The following CNNM2 variants were observed in gnomAD, a reference collection of about 807,000 sequenced individuals.
CNNM2 encodes the protein metal transporter CNNM2.
Under a neutral mutation model 66.9 loss-of-function variants are expected in CNNM2, and 12 were observed. The ratio of observed to expected loss-of-function variants is 0.18; its 90% CI spans 0.11 to 0.29. The LOEUF is 0.29. CNNM2 is among the 10% of genes least tolerant of loss of function. The pLI, the probability that CNNM2 is intolerant of heterozygous loss-of-function variation, is 1.00. For missense variants in CNNM2, 705 were observed against 1,167.7 expected, an observed-to-expected ratio of 0.60 and a Z score of 5.77; for synonymous variants, 557 against 501.8, an observed-to-expected ratio of 1.11 and a Z score of -1.47.
chr10:102,973,083 G>T (rs1374294871), intron 1 of CNNM2, among the ~76,000 whole-genome samples: 2 of 152,048 alleles, frequency 1.3e-5, no homozygotes, highest in Non-Finnish European at 2.9e-5. Flanking sequence ...TCAACTTGGA[G>T]AAGTTGGATA....
chr10:102,996,378 T>C (rs1274735034), intron 1 of CNNM2, among the ~76,000 whole-genome samples: 1 of 152,214 alleles, frequency 6.6e-6, no homozygotes, highest in Non-Finnish European at 1.5e-5. Context: ...TCATCAAGGC[T>C]GATGAAATTT....
chr10:102,934,363 C>T (rs1012563363), intron 1 of CNNM2, among the ~76,000 whole-genome samples: 1 of 149,662 alleles, frequency 6.7e-6, no homozygotes, highest in African/African-American at 2.5e-5. Flanking sequence ...TCACTGCAAA[C>T]TCTGCCTCCT....
chr10:103,066,162 T>G (rs575137712), intron 4 of CNNM2, among the ~76,000 whole-genome samples: 1 of 152,298 alleles, frequency 6.6e-6, no homozygotes, highest in African/African-American at 2.4e-5. Context: ...TCTGCCATGG[T>G]GCCGTGGTCT....
At position 103,088,843 on chromosome 10, in the gene CNNM2, A is replaced by T. The variant is rs189767336; in HGVS notation, c.*11663A>T. On this transcript the variant is annotated 3_prime_UTR_variant, in exon 8 of 8. Transcript: ENST00000369878. ...ACAAAGAAATCTGGAATTGGGTAGCATGAGCCACAGCTATATAGCCCACAC... is the reference window on the plus strand; with the variant it reads ...ACAAAGAAATCTGGAATTGGGTAGCTTGAGCCACAGCTATATAGCCCACAC... 1.1e-4 allele frequency: 22 copies of T among 197,842 alleles called. No homozygotes were observed. The highest frequency in any genetic ancestry group is 4.8e-4 in the African/African-American group (21 of 43,468). The allele number at this position is 197,842 out of a possible 1,614,324, so 12.3% of individuals were successfully genotyped here.
intron 1 of CNNM2, among the ~76,000 whole-genome samples, chr10:102,940,654 G>T (rs538848129): frequency 6.6e-6 from 1 of 151,052 alleles, no homozygotes; most frequent in Non-Finnish European, 1.5e-5. Flanking sequence ...TCCTGACCTC[G>T]TGATCCGCCC....
intron 1 of CNNM2, among the ~76,000 whole-genome samples, chr10:103,038,452 A>G (rs1179507049): frequency 6.6e-6 from 1 of 152,168 alleles, no homozygotes; most frequent in Non-Finnish European, 1.5e-5. Flanking sequence ...TTAGAGGGTG[A>G]CCACCTCAGT....
chr10:102,932,646 G>A (rs767728395), intron 1 of CNNM2, among the ~76,000 whole-genome samples: 7 of 152,066 alleles, frequency 4.6e-5, no homozygotes, highest in Non-Finnish European at 7.4e-5. Flanking sequence ...AACCAGGCAC[G>A]GTGGCTCACG....
At chr10:102,928,927 C>T (rs1222500992) in intron 1 of CNNM2, among the ~76,000 whole-genome samples, 4 of 152,260 alleles carry the variant, frequency 2.6e-5, no homozygotes, top group South Asian at 2.1e-4. Context: ...GACATTTTAG[C>T]GTGTGTCCTT....
chr10:103,047,197 A>G (rs2065140758), intron 1 of CNNM2, among the ~76,000 whole-genome samples: 1 of 152,206 alleles, frequency 6.6e-6, no homozygotes, highest in Admixed American at 6.5e-5. Flanking sequence ...TAACCAAGTG[A>G]TGAAAAAGGT....
In CNNM2 at chr10:103,054,924, G is replaced by A. The variant is rs2065272513; in HGVS notation, c.1903+458G>A. Among the ~76,000 whole-genome samples the A allele has an allele frequency of 6.6e-6, 1 of 152,154 alleles. No homozygotes were observed. The highest frequency in any genetic ancestry group is 1.5e-5 in the Non-Finnish European group (1 of 67,998). ...CAGTTGGACATCAGTGGTAACACAG[G>A]GGCTGTGATTTGCAAAGAAGAAAAC... is the stretch of plus-strand genomic sequence containing the variant. On this transcript the variant is annotated intron_variant, in intron 3 of 7. Transcript: ENST00000369878. The surrounding 1 kb of genome is among the most constrained non-coding windows in gnomAD (Gnocchi z 5.2).
In CNNM2 at chr10:102,918,640, C is replaced by G; in HGVS notation, c.160C>G (p.Leu54Val). The change falls in exon 1 of 8, where the codon CTG becomes GTG. Residue 54 changes from leucine to valine, a missense_variant. Coordinates refer to ENST00000369878, the MANE Select transcript of CNNM2 (RefSeq NM_017649.5). The surrounding 1 kb of genome is among the most constrained non-coding windows in gnomAD (Gnocchi z 4.1). The part of the protein sequence containing the change: ...AAGRLLPLLL[L>V]SCCCGAGGCA... Reference sequence around the variant, plus strand: ...GGGGCGGCTGCTGCCGCTGCTCCTGCTGAGCTGCTGCTGCGGTGCGGGCGG... The same window carrying G: ...GGGGCGGCTGCTGCCGCTGCTCCTGGTGAGCTGCTGCTGCGGTGCGGGCGG... 2 of 1,548,162 alleles carry G rather than the reference C, an allele frequency of 1.3e-6. No individual in the cohort carries two copies. The highest frequency in any genetic ancestry group is 1.7e-6 in the Non-Finnish European group (2 of 1,147,136).
At chr10:102,927,295 A>C (rs1210930130) in intron 1 of CNNM2, 1 of 1,610,418 alleles carries the variant, frequency 6.2e-7, no homozygotes, top group Non-Finnish European at 8.5e-7. Flanking sequence ...ACTAGGATTG[A>C]ATACAGTTTT....
chr10:102,929,084 A>C (rs1301436972), intron 1 of CNNM2, among the ~76,000 whole-genome samples: 3 of 151,344 alleles, frequency 2.0e-5, no homozygotes, highest in African/African-American at 7.3e-5. Context: ...ACATGGTGAA[A>C]CCCAGTCTCC....
At chr10:103,066,614 C>T (rs962734800) in intron 4 of CNNM2, among the ~76,000 whole-genome samples, 9 of 152,262 alleles carry the variant, frequency 5.9e-5, no homozygotes, top group African/African-American at 2.2e-4. Context: ...CTGGGCCTCC[C>T]TCATGCTGTC....
chr10:103,014,777 A>G (rs184034693), intron 1 of CNNM2, among the ~76,000 whole-genome samples: 11 of 152,202 alleles, frequency 7.2e-5, no homozygotes, highest in Non-Finnish European at 1.3e-4. Flanking sequence ...CTATAATCCT[A>G]GAGCTTTGGG....
At position 103,005,833 on chromosome 10, in the gene CNNM2, G is replaced by A. The variant is rs368553986; in HGVS notation, c.1622-43874G>A. ...AGCCTTGATCTCCTAGTCTCCAACA[G>A]TCCTCTTGCCTCAGCCTCCCAAGTA... On this transcript the variant is annotated intron_variant, in intron 1 of 7. Transcript: ENST00000369878. 3.9e-5 allele frequency among the ~76,000 whole-genome samples: 6 copies of A among 152,060 alleles called. No homozygotes were observed. In the East Asian group the frequency reaches 1.2e-3, roughly 30 times the overall value.
rs183768450 is a variant in CNNM2, at chr10:102,961,420, C to T, written c.1621+41319C>T. Among the ~76,000 whole-genome samples the T allele has an allele frequency of 5.6e-4, 85 of 152,220 alleles. 1 individual carries two copies. Among genetic ancestry groups the T allele is most frequent in the African/African-American group, 1.8e-3 (76 of 41,548 alleles). On this transcript the variant is annotated intron_variant, in intron 1 of 7. Coordinates refer to ENST00000369878, the MANE Select transcript of CNNM2 (RefSeq NM_017649.5). ...AAAAGAAAGAGGATTTACTTATGCT[C>T]AAAAATTTACTCTATTTTTGGCAAT... is the stretch of plus-strand genomic sequence containing the variant.
At chr10:102,950,197 G>A (rs1333761702) in intron 1 of CNNM2, among the ~76,000 whole-genome samples, 1 of 152,132 alleles carries the variant, frequency 6.6e-6, no homozygotes, top group South Asian at 2.1e-4. Flanking sequence ...GAGCATAGGC[G>A]TTGTCAGGCA....
chr10:102,923,312 A>G (rs1845725837), intron 1 of CNNM2, among the ~76,000 whole-genome samples: 1 of 152,206 alleles, frequency 6.6e-6, no homozygotes, highest in African/African-American at 2.4e-5. Flanking sequence ...ATTCTGTGCC[A>G]GGTACAGGGG....
Sources: allele counts gnomAD v4.1 joint callset (sites outside exome capture counted in the v4.1 genomes callset), GRCh38; gene constraint gnomAD v4.1.1; non-coding constraint Gnocchi (gnomAD v3.1); transcripts MANE v1.5; gene names NCBI Gene and HGNC (gene_info 2026-07-23, HGNC 2026-07-21).